TPD52: variants seen among roughly 807,000 people sequenced by gnomAD.
The protein encoded by TPD52 is tumor protein D52, also known as prostate and colon associated protein.
Under a neutral mutation model 31.3 loss-of-function variants are expected in TPD52, and 17 were observed. The ratio of observed to expected loss-of-function variants is 0.54; its 90% CI spans 0.37 to 0.82. TPD52 has a LOEUF of 0.82. Ranked by LOEUF, TPD52 falls within the 40% of genes least tolerant of loss-of-function variation. TPD52 has a pLI of 0.00. For missense variants in TPD52, 212 were observed against 240.1 expected, an observed-to-expected ratio of 0.88 and a Z score of 0.77; for synonymous variants, 83 against 89.6, an observed-to-expected ratio of 0.93 and a Z score of 0.42.
At chr8:80,124,565 CA>C (rs1299050041) in intron 1 of TPD52, among the ~76,000 whole-genome samples, 1 of 152,146 alleles carries the variant, frequency 6.6e-6, no homozygotes, top group African/African-American at 2.4e-5. Flanking sequence ...CATACACACA[CA>C]GTATGGCATA....
intron 1 of TPD52, among the ~76,000 whole-genome samples, chr8:80,160,104 T>C (rs543878620): frequency 2.0e-5 from 3 of 152,072 alleles, no homozygotes; most frequent in Non-Finnish European, 2.9e-5. Context: ...GGTAGGAAGA[T>C]TGCTTGAGCC....
chr8:80,051,688 A>C, intron 3 of TPD52, 60 bp from the exon 4 acceptor site: 3 of 1,396,954 alleles, frequency 2.1e-6, no homozygotes, highest in Non-Finnish European at 2.9e-6. Context: ...TTCTAATATC[A>C]ATTGTTTCAA....
chr8:80,129,231 A>C (rs746737912), intron 1 of TPD52, among the ~76,000 whole-genome samples: 6 of 152,214 alleles, frequency 3.9e-5, no homozygotes, highest in Non-Finnish European at 8.8e-5. Context: ...TAAAATTTTT[A>C]AAAAATAATT....
intron 1 of TPD52, among the ~76,000 whole-genome samples, chr8:80,154,737 A>G (rs62516127): frequency 1.1e-4 from 16 of 140,992 alleles, no homozygotes; most frequent in South Asian, 4.7e-4. Context: ...ACACACACAC[A>G]CACACACACA....
At chr8:80,084,017 C>T (rs776749474) in intron 1 of TPD52, among the ~76,000 whole-genome samples, 1 of 152,214 alleles carries the variant, frequency 6.6e-6, no homozygotes, top group Non-Finnish European at 1.5e-5. Context: ...ATCTACCAAC[C>T]GGTACCACAG....
chr8:80,151,389 TA>T (rs2131198123), intron 1 of TPD52, among the ~76,000 whole-genome samples: 1 of 152,270 alleles, frequency 6.6e-6, no homozygotes, highest in Admixed American at 6.5e-5. Flanking sequence ...AGAATAGGCT[TA>T]AAACTTGAAG....
At chr8:80,077,720 G>A (rs1814755645) in intron 1 of TPD52, among the ~76,000 whole-genome samples, 1 of 152,204 alleles carries the variant, frequency 6.6e-6, no homozygotes, top group African/African-American at 2.4e-5. Context: ...GAACTGGAGT[G>A]TGAACGACTC....
At chr8:80,171,317 G>T in intron 1 of TPD52, 108 bp downstream of exon 1, 1 of 1,435,140 alleles carries the variant, frequency 7.0e-7, no homozygotes, top group Non-Finnish European at 9.6e-7. Context: ...CAGGAGGCTC[G>T]GCACCTGCTC....
Position 80,148,705 on chromosome 8 carries a change from A to G in TPD52, c.19+22720T>C, listed in dbSNP as rs1426150. Among the ~76,000 whole-genome samples the G allele has an allele frequency of 2.6e-5, 4 of 152,210 alleles. No homozygotes were observed. The East Asian group carries it at 7.7e-4, about 29-fold the overall frequency. On this transcript the variant is annotated intron_variant, in intron 1 of 7. Transcript: ENST00000518937. ...ATTCTCACTCTGGGGTTTGGGGAAC[A>G]TCAGTTACTCCAATTTCAAGCTTTA... is the stretch of plus-strand genomic sequence containing the variant.
intron 1 of TPD52, among the ~76,000 whole-genome samples, chr8:80,155,093 G>A (rs539268097): frequency 8.5e-4 from 129 of 151,910 alleles, no homozygotes; most frequent in South Asian, 1.7e-3. Context: ...CGCTTCCAGG[G>A]CTCAAGCGAT....
In TPD52 at chr8:80,053,300, T is replaced by C; in HGVS notation, c.266A>G (p.Asp89Gly). The change falls in exon 3 of 8, where the codon GAC (aspartate) becomes GGC (glycine). Residue 89 changes from aspartate (D) to glycine (G), a missense_variant. Transcript: ENST00000518937. Reference protein sequence around the residue: ...LKQNIAKGWQDVTATSAYKKT... With the variant: ...LKQNIAKGWQGVTATSAYKKT... ...AACATACGCAGATGTTGCTGTCACGTCTTGCCACCCTTTGGCAATGTTCTG... is the reference window on the plus strand; with the variant it reads ...AACATACGCAGATGTTGCTGTCACGCCTTGCCACCCTTTGGCAATGTTCTG... 2 of 1,613,600 alleles carry C rather than the reference T, an allele frequency of 1.2e-6. No homozygotes were observed. The highest frequency in any genetic ancestry group is 1.7e-6 in the Non-Finnish European group (2 of 1,179,612).
At chr8:80,093,573 C>A (rs1397025163) in intron 1 of TPD52, among the ~76,000 whole-genome samples, 1 of 151,916 alleles carries the variant, frequency 6.6e-6, no homozygotes, top group East Asian at 1.9e-4. Context: ...AATATTGGAC[C>A]ACAAACTTCT....
intron 1 of TPD52, among the ~76,000 whole-genome samples, chr8:80,157,564 C>G (rs943848085): frequency 2.0e-5 from 3 of 152,150 alleles, no homozygotes; most frequent in Admixed American, 2.0e-4. Context: ...TCAAAAAAAC[C>G]CGAGCGAGAA....
chr8:80,158,740 C>G lies in TPD52; in HGVS notation c.19+12685G>C, dbSNP rs61609972. 2.6e-5 allele frequency: 4 copies of G among 151,194 alleles called. No individual in the cohort carries two copies. The East Asian group carries it at 7.8e-4, about 29-fold the overall frequency. 9.4% of individuals were successfully genotyped at this position (151,194 alleles called of 1,614,324 possible). On this transcript the variant is annotated intron_variant, in intron 1 of 7. Transcript: ENST00000518937. ...GCTGATCACGAGGTCAGGAGGAGATCGAGACCATCCCGGCTAAAACGATGA... is the reference window on the plus strand; with the variant it reads ...GCTGATCACGAGGTCAGGAGGAGATGGAGACCATCCCGGCTAAAACGATGA...
chr8:80,146,871 G>T (rs952178652), intron 1 of TPD52, among the ~76,000 whole-genome samples: 1 of 152,068 alleles, frequency 6.6e-6, no homozygotes, highest in Non-Finnish European at 1.5e-5. Context: ...TTTCTAAAAG[G>T]CACACACAAA....
intron 1 of TPD52, among the ~76,000 whole-genome samples, chr8:80,143,109 C>T (rs564204702): frequency 1.3e-4 from 20 of 152,312 alleles, no homozygotes; most frequent in Admixed American, 9.2e-4. Flanking sequence ...AAAGTACCTA[C>T]TTCATGGACT....
chr8:80,049,126 T>C (rs1038526161), intron 5 of TPD52, among the ~76,000 whole-genome samples: 4 of 152,206 alleles, frequency 2.6e-5, no homozygotes, highest in African/African-American at 9.7e-5. Context: ...TACTTTTATA[T>C]CTTACACTGA....
intron 1 of TPD52, among the ~76,000 whole-genome samples, chr8:80,118,944 A>G (rs374101783): frequency 5.9e-4 from 90 of 152,344 alleles, no homozygotes; most frequent in Middle Eastern, 3.4e-3. Context: ...AATGAAAACA[A>G]TATGTCTGTA....
At chr8:80,136,163 A>T (rs963038314) in intron 1 of TPD52, among the ~76,000 whole-genome samples, 33 of 139,146 alleles carry the variant, frequency 2.4e-4, no homozygotes, top group African/African-American at 6.1e-4. Flanking sequence ...AAAAAAAAAA[A>T]TTTCAGTCTT....
Sources: gnomAD v4.1 joint callset for allele counts (sites outside exome capture counted in the v4.1 genomes callset) on GRCh38, gnomAD v4.1.1 for gene constraint, MANE v1.5 for transcripts, NCBI Gene and HGNC (gene_info 2026-07-23, HGNC 2026-07-21) for gene names.